The following WIPI2 variants were observed in gnomAD, a reference collection of about 807,000 sequenced individuals.
The protein encoded by WIPI2 is WD repeat domain phosphoinositide-interacting protein 2.
WIPI2 carries 28 observed loss-of-function variants against 52.3 expected under a neutral mutation model. That is an observed-to-expected ratio of 0.54 (90% CI 0.40 to 0.73). The LOEUF (loss-of-function observed/expected upper bound fraction) is 0.73, where lower values mean the gene tolerates loss of function less well. Ranked by LOEUF, WIPI2 falls within the 30% of genes least tolerant of loss-of-function variation. The pLI, the probability that WIPI2 is intolerant of heterozygous loss-of-function variation, is 0.00. For missense variants in WIPI2, 506 were observed against 602.9 expected (o/e 0.84, Z 1.68); for synonymous variants, 268 against 245.0 (o/e 1.09, Z -0.88).
Position 5,196,945 on chromosome 7 carries a change from C to G in WIPI2, c.129-2631C>G, listed in dbSNP as rs185889061. 3.2e-3 allele frequency among the ~76,000 whole-genome samples: 480 copies of G among 151,820 alleles called. 1 individual carries two copies. The highest frequency in any genetic ancestry group is 0.011 in the African/African-American group (452 of 41,412). On this transcript the variant is annotated intron_variant, in intron 2 of 12. Coordinates refer to ENST00000288828, the MANE Select transcript of WIPI2 (RefSeq NM_015610.4). ...TGGCCAACATGGTAAAACCCCATCT[C>G]TACTAGAAATACAAAAATTAGCCGG...
At position 5,233,096 on chromosome 7, in the gene WIPI2, CT is replaced by C. The variant is rs1324328407; in HGVS notation, c.*2151del. 1 of 152,298 alleles carries C rather than the reference CT, an allele frequency of 6.6e-6. No individual in the cohort carries two copies. Among genetic ancestry groups the C allele is most frequent in the Non-Finnish European group, 1.5e-5 (1 of 68,100 alleles). The allele number at this position is 152,298 out of a possible 1,614,324, so 9.4% of individuals were successfully genotyped here. ...CCTGCAGACCACGGGAAGCCCTGTG[CT>C]TGCCTGGGTCAGGGCTAAGCTGTGC... On this transcript the variant is annotated 3_prime_UTR_variant, in exon 13 of 13. Coordinates refer to ENST00000288828, the MANE Select transcript of WIPI2 (RefSeq NM_015610.4).
chr7:5,227,491 G>T lies in WIPI2; in HGVS notation c.1013+147G>T. 1 of 1,183,106 alleles carries T rather than the reference G, an allele frequency of 8.5e-7. No individual in the cohort carries two copies. Among genetic ancestry groups the T allele is most frequent in the South Asian group, 1.6e-5 (1 of 63,990 alleles). 73.3% of individuals were successfully genotyped at this position (1,183,106 alleles called of 1,614,324 possible). ...CATCGAGAGTTGTCGGGGATGGGAG[G>T]TCCCCTGGCAGGCACTAGGCTTGCC... is the stretch of plus-strand genomic sequence containing the variant. On this transcript the variant is annotated intron_variant, in intron 10 of 12. Transcript: ENST00000288828. This position sits in a 1 kb window ranked among gnomAD's most constrained non-coding sequence, Gnocchi z 8.1.
chr7:5,214,557 T>C lies in WIPI2; in HGVS notation c.234T>C (p.Ile78=). ...CAGCCGATACGGAAGATGTGTGCAT[T>C]GTAGAGAGATTGTTCTCCAGCAGCC... ...YECTDTEDVC[I]VERLFSSSLV... Residue 78 remains isoleucine (I), a synonymous_variant, in exon 4 of 13, where the codon ATT becomes ATC. Coordinates refer to ENST00000288828, the MANE Select transcript of WIPI2 (RefSeq NM_015610.4). The C allele has an allele frequency of 6.2e-7, 1 of 1,614,234 alleles. No individual in the cohort carries two copies. Among genetic ancestry groups the C allele is most frequent in the Non-Finnish European group, 8.5e-7 (1 of 1,180,040 alleles).
rs1783737220 is a variant in WIPI2 at position 5,231,862 on chromosome 7, G to A, written c.*915G>A. ...TTTCGCTGGCCCCGCTGTCCGCAGGGGCTTCCTACCTGTGTGAGAGGTCGT... is the reference window on the plus strand; with the variant it reads ...TTTCGCTGGCCCCGCTGTCCGCAGGAGCTTCCTACCTGTGTGAGAGGTCGT... On this transcript the variant is annotated 3_prime_UTR_variant, in exon 13 of 13. Coordinates refer to ENST00000288828, the MANE Select transcript of WIPI2 (RefSeq NM_015610.4). The A allele has an allele frequency of 4.1e-6, 1 of 244,194 alleles. No homozygotes were observed. Among genetic ancestry groups the A allele is most frequent in the Non-Finnish European group, 7.8e-6 (1 of 128,362 alleles). 15.1% of individuals were successfully genotyped at this position (244,194 alleles called of 1,614,324 possible).
chr7:5,193,058 G>T, intron 1 of WIPI2, 60 bp from the exon 2 acceptor site: 1 of 1,513,388 alleles, frequency 6.6e-7, no homozygotes. Flanking sequence ...CTAAAAGTGT[G>T]CATAAGTTTT....
chr7:5,225,933 G>A lies in WIPI2; in HGVS notation c.848+3G>A. On this transcript the variant is annotated splice_donor_region_variant and intron_variant, in intron 9 of 12. Transcript: ENST00000288828. ...AAACTCGAGACTGTGAAAGAAAAGT[G>A]AGTTGCAAATATACGTTTCTTTAAA... The A allele has an allele frequency of 6.2e-7, 1 of 1,611,780 alleles. No individual in the cohort carries two copies. The highest frequency in any genetic ancestry group is 8.5e-7 in the Non-Finnish European group (1 of 1,178,678).
intron 3 of WIPI2, among the ~76,000 whole-genome samples, chr7:5,201,469 C>T (rs189715470): frequency 2.0e-5 from 3 of 152,298 alleles, no homozygotes; most frequent in East Asian, 3.9e-4. Context: ...ATTGGCCGGG[C>T]GCAGTGGCTC....
At chr7:5,211,263 G>C (rs1298023892) in intron 3 of WIPI2, among the ~76,000 whole-genome samples, 1 of 152,158 alleles carries the variant, frequency 6.6e-6, no homozygotes, top group Non-Finnish European at 1.5e-5. Flanking sequence ...CCTGAGGTCA[G>C]GAGTTCAAGA....
intron 3 of WIPI2, among the ~76,000 whole-genome samples, chr7:5,208,003 C>T (rs1430895798): frequency 3.9e-5 from 6 of 152,114 alleles, no homozygotes; most frequent in South Asian, 2.1e-4. Context: ...TGACCTCAGG[C>T]GATCCGGCCA....
At chr7:5,218,156 C>T in intron 7 of WIPI2, 142 bp downstream of exon 7, 1 of 814,768 alleles carries the variant, frequency 1.2e-6, no homozygotes, top group Admixed American at 2.2e-5. Context: ...ACTTGTCAGG[C>T]CACAGGCGTG....
chr7:5,229,492 G>C, intron 11 of WIPI2, 116 bp from the exon 12 acceptor site: 1 of 1,290,156 alleles, frequency 7.8e-7, no homozygotes, highest in Middle Eastern at 2.0e-4. Context: ...ATGAATGCCT[G>C]GCGTCCTGTG....
At chr7:5,218,636 A>G in intron 7 of WIPI2, 1 of 152,376 alleles carries the variant, frequency 6.6e-6, no homozygotes, top group South Asian at 2.1e-4. Flanking sequence ...ATGTATTTCT[A>G]ACTATGAATT....
At chr7:5,198,866 C>G (rs560618619) in intron 2 of WIPI2, among the ~76,000 whole-genome samples, 41 of 152,236 alleles carry the variant, frequency 2.7e-4, no homozygotes, top group Admixed American at 1.1e-3. Flanking sequence ...TTGAAGTGAT[C>G]ACCAGTCCAG....
chr7:5,204,599 C>T (rs989054586), intron 3 of WIPI2, among the ~76,000 whole-genome samples: 3 of 152,174 alleles, frequency 2.0e-5, no homozygotes, highest in East Asian at 1.9e-4. Flanking sequence ...AAGGTGTATT[C>T]CTGAAAAGAT....
At position 5,233,770 on chromosome 7, in the gene WIPI2, C is replaced by T. The variant is rs1783841459; in HGVS notation, c.*2823C>T. The T allele has an allele frequency of 6.6e-6, 1 of 152,134 alleles. No homozygotes were observed. The highest frequency in any genetic ancestry group is 1.5e-5 in the Non-Finnish European group (1 of 68,038). 9.4% of individuals were successfully genotyped at this position (152,134 alleles called of 1,614,324 possible). A position where few individuals can be genotyped will look rare whatever the true frequency, so the allele number is the denominator to read the frequency against. On this transcript the variant is annotated 3_prime_UTR_variant, in exon 13 of 13. Transcript: ENST00000288828. ...GTGTGACTGCGTGTCCTGCAAACGC[C>T]CAGCTCGGTGCCCAGCCAGCGGTGG...
intron 8 of WIPI2, among the ~76,000 whole-genome samples, chr7:5,225,522 G>A (rs1205631410): frequency 6.6e-6 from 1 of 152,108 alleles, no homozygotes; most frequent in Non-Finnish European, 1.5e-5. Context: ...AAATTACTGA[G>A]TTTTCTTTTA....
At chr7:5,216,909 C>T in intron 5 of WIPI2, 181 bp from the exon 6 acceptor site, 2 of 715,020 alleles carry the variant, frequency 2.8e-6, no homozygotes, top group Non-Finnish European at 2.3e-6. Flanking sequence ...CTTGACAATA[C>T]TGGTATCACC....
intron 3 of WIPI2, among the ~76,000 whole-genome samples, chr7:5,200,346 A>G (rs1781961486): frequency 6.6e-6 from 1 of 152,132 alleles, no homozygotes; most frequent in South Asian, 2.1e-4. Flanking sequence ...CACGTGCGTA[A>G]TTTTTAATTA....
At chr7:5,229,388 C>A in intron 11 of WIPI2, 1 of 445,782 alleles carries the variant, frequency 2.2e-6, no homozygotes, top group Admixed American at 3.9e-5. Context: ...GAAATATTGT[C>A]TTGTTAGGTA....
Sources: gnomAD v4.1 joint callset for allele counts (sites outside exome capture counted in the v4.1 genomes callset) on GRCh38, gnomAD v4.1.1 for gene constraint, Gnocchi (gnomAD v3.1) non-coding constraint, MANE v1.5 for transcripts, NCBI Gene and HGNC (gene_info 2026-07-23, HGNC 2026-07-21) for gene names.